The following IGF2 variants were observed in gnomAD, a reference collection of about 807,000 sequenced individuals.
IGF2 encodes the protein insulin like growth factor 2, also known as insulin-like growth factor 2.
A neutral mutation model predicts 12.0 loss-of-function variants in IGF2; 2 were observed. That is an observed-to-expected ratio of 0.17 (90% CI 0.07 to 0.52). IGF2 has a LOEUF of 0.52. Ranked by LOEUF, IGF2 falls within the 20% of genes least tolerant of loss-of-function variation. The probability of loss-of-function intolerance (pLI) is 0.95; values close to 1 mark genes in which losing one functional copy is unlikely to be tolerated. For missense variants in IGF2, 211 were observed against 268.0 expected, an observed-to-expected ratio of 0.79 and a Z score of 1.48; for synonymous variants, 105 against 110.1, an observed-to-expected ratio of 0.95 and a Z score of 0.29.
chr11:2,147,503 G>A, the IGF2 span: 3 of 700,844 alleles, frequency 4.3e-6, no homozygotes, highest in South Asian at 7.4e-5. This position sits in a 1 kb window ranked among gnomAD's most constrained non-coding sequence, Gnocchi z 7.2. Flanking sequence ...ATCCCAGTTC[G>A]AAGACTCCCG....
upstream of IGF2, chr11:2,141,289 G>A (rs1213443252): frequency 1.3e-5 from 2 of 152,712 alleles, no homozygotes; most frequent in African/African-American, 4.8e-5. Flanking sequence ...ACGCAAGGCA[G>A]AGTTCTTTCT....
At chr11:2,146,235 T>C (rs550492454), upstream of IGF2, 1 of 530,542 alleles carries the variant, frequency 1.9e-6, no homozygotes, top group South Asian at 1.4e-5. Flanking sequence ...CATTCCCATT[T>C]CCTCCCCAGC....
rs369452652 is a variant in IGF2, at chr11:2,133,114, C to A, written c.416G>T (p.Gly139Val). 7.5e-6 allele frequency: 12 copies of A among 1,606,840 alleles called. No homozygotes were observed. Among genetic ancestry groups the A allele is most frequent in the African/African-American group, 1.3e-5 (1 of 74,700 alleles). The change falls in exon 4 of 4, where the codon GGT becomes GTT. Residue 139 changes from glycine to valine, a missense_variant. This residue lies in a region of IGF2 where 141 missense variants were observed against 153.1 expected (regional missense o/e 0.92). Coordinates refer to ENST00000416167, the MANE Select transcript of IGF2 (RefSeq NM_000612.6). This position sits in a 1 kb window ranked among gnomAD's most constrained non-coding sequence, Gnocchi z 8.9. ...GLPALLRARR[G>V]HVLAKELEAF... The stretch of plus-strand genomic sequence containing the variant: ...CTCGAGCTCCTTGGCGAGCACGTGA[C>A]CCCGGCGGGCACGCAGGAGGGCAGG...
At position 2,131,900 on chromosome 11, in the gene IGF2, CGTTTGTGTGTGTGCTG is replaced by C. The variant is rs1858616400; in HGVS notation, c.*1071_*1086del. 1 of 78,510 alleles carries C rather than the reference CGTTTGTGTGTGTGCTG, an allele frequency of 1.3e-5. No individual in the cohort carries two copies. Among genetic ancestry groups the C allele is most frequent in the African/African-American group, 6.9e-5 (1 of 14,476 alleles). The allele number at this position is 78,510 out of a possible 1,614,324, so 4.9% of individuals were successfully genotyped here. A position where few individuals can be genotyped will look rare whatever the true frequency, so the allele number is the denominator to read the frequency against. On this transcript the variant is annotated 3_prime_UTR_variant, in exon 4 of 4. Transcript: ENST00000416167. ...GTGCTGTGCGTTTGTGTGTGCTGTGCGTTTGTGTGTGTGCTGTGTGTGCATGTGTGTGCGTGTGTGT... is the reference window on the plus strand; with the variant it reads ...GTGCTGTGCGTTTGTGTGTGCTGTGCTGTGTGCATGTGTGTGCGTGTGTGT...
chr11:2,135,642 CA>C, intron 1 of IGF2, 113 bp from the exon 2 acceptor site: 2 of 849,932 alleles, frequency 2.4e-6, no homozygotes, highest in Non-Finnish European at 3.7e-6. Flanking sequence ...AAATTGAAAG[CA>C]CGGCTTTCCT....
upstream of IGF2, among the ~76,000 whole-genome samples, chr11:2,144,681 C>T (rs1859807295): frequency 6.6e-6 from 1 of 151,926 alleles, no homozygotes; most frequent in Admixed American, 6.6e-5. Flanking sequence ...TGCAGGCGCC[C>T]AACGGCCCTG....
Position 2,130,457 on chromosome 11 carries a change from G to C in IGF2, c.*2530C>G. 1 of 227,384 alleles carries C rather than the reference G, an allele frequency of 4.4e-6. No homozygotes were observed. The highest frequency in any genetic ancestry group is 2.2e-5 in the African/African-American group (1 of 44,838). The allele number at this position is 227,384 out of a possible 1,614,324, so 14.1% of individuals were successfully genotyped here. On this transcript the variant is annotated 3_prime_UTR_variant, in exon 4 of 4. Coordinates refer to ENST00000416167, the MANE Select transcript of IGF2 (RefSeq NM_000612.6). ...AAATCCAATCAGGGCGATAAATGGCGGGGGGCAGGACGTGGTGGTCTCCAG... is the reference window on the plus strand; with the variant it reads ...AAATCCAATCAGGGCGATAAATGGCCGGGGGCAGGACGTGGTGGTCTCCAG...
the IGF2 span, chr11:2,149,177 A>G: frequency 6.2e-7 from 1 of 1,613,468 alleles, no homozygotes; most frequent in Admixed American, 1.7e-5. Context: ...GTGGATAAAG[A>G]GGACCGGGGA....
chr11:2,133,020 G>T lies in IGF2; in HGVS notation c.510C>A (p.Gly170=), dbSNP rs138399775. The change falls in exon 4 of 4, where the codon GGC becomes GGA. Residue 170 remains glycine, a synonymous_variant. Coordinates refer to ENST00000416167, the MANE Select transcript of IGF2 (RefSeq NM_000612.6). The surrounding 1 kb of genome is among the most constrained non-coding windows in gnomAD (Gnocchi z 8.9). ...ALPTQDPAHG[G]APPEMASNRK ...GATTGCTGGCCATCTCTGGGGGGGCGCCCCCGTGGGCGGGGTCTTGGGTGG... is the reference window on the plus strand; with the variant it reads ...GATTGCTGGCCATCTCTGGGGGGGCTCCCCCGTGGGCGGGGTCTTGGGTGG... 2 of 1,551,744 alleles carry T rather than the reference G, an allele frequency of 1.3e-6. No individual in the cohort carries two copies. Among genetic ancestry groups the T allele is most frequent in the African/African-American group, 2.8e-5 (2 of 72,434 alleles).
In IGF2 at chr11:2,131,832, C is replaced by A. The variant is rs1186221704; in HGVS notation, c.*1155G>T. The A allele has an allele frequency of 1.0e-4, 11 of 105,640 alleles. No individual in the cohort carries two copies. Among genetic ancestry groups the A allele is most frequent in the Non-Finnish European group, 1.8e-4 (10 of 55,770 alleles). The allele number at this position is 105,640 out of a possible 1,614,324, so 6.5% of individuals were successfully genotyped here. A position where few individuals can be genotyped will look rare whatever the true frequency, so the allele number is the denominator to read the frequency against. On this transcript the variant is annotated 3_prime_UTR_variant, in exon 4 of 4. Transcript: ENST00000416167. ...TGTGCATGTGTGTGCGTGTGCTGTG[C>A]GTTTGTGTGCTGTGTGCTCGTGTGT... is the stretch of plus-strand genomic sequence containing the variant.
At position 2,138,484 on chromosome 11, in the gene IGF2, T is replaced by C. The variant is rs1301252834; in HGVS notation, c.-262A>G. 6 of 904,522 alleles carry C rather than the reference T, an allele frequency of 6.6e-6. No homozygotes were observed. The highest frequency in any genetic ancestry group is 2.2e-5 in the African/African-American group (1 of 44,988). 56.0% of individuals were successfully genotyped at this position (904,522 alleles called of 1,614,324 possible). On this transcript the variant is annotated 5_prime_UTR_variant, in exon 1 of 4. The change creates a new upstream start codon in the 5' untranslated region. Transcript: ENST00000416167. ...GTTGTACTTTTCGGGGGGGAAAAGGTATCGGGAAATGAGGTCAGCTGTTGT... is the reference window on the plus strand; with the variant it reads ...GTTGTACTTTTCGGGGGGGAAAAGGCATCGGGAAATGAGGTCAGCTGTTGT...
chr11:2,132,063 G>GTGTGTGCTGTGCTCGTT lies in IGF2; in HGVS notation c.*923_*924insAACGAGCACAGCACACA. ...GCGTTTGTGTGTGTGCTGTGCTCGTGTGTGTGCTGTGTTCATGCGTGTGCT... is the reference window on the plus strand; with the variant it reads ...GCGTTTGTGTGTGTGCTGTGCTCGTGTGTGTGCTGTGCTCGTTTGTGTGCTGTGTTCATGCGTGTGCT... On this transcript the variant is annotated 3_prime_UTR_variant, in exon 4 of 4. Transcript: ENST00000416167. The GTGTGTGCTGTGCTCGTT allele has an allele frequency of 4.7e-6, 1 of 210,772 alleles. No individual in the cohort carries two copies. Among genetic ancestry groups the GTGTGTGCTGTGCTCGTT allele is most frequent in the Admixed American group, 5.9e-5 (1 of 16,960 alleles). 13.1% of individuals were successfully genotyped at this position (210,772 alleles called of 1,614,324 possible).
chr11:2,142,111 AT>A (rs1006073650), upstream of IGF2, among the ~76,000 whole-genome samples: 15 of 151,936 alleles, frequency 9.9e-5, no homozygotes, highest in African/African-American at 3.6e-4. This position sits in a 1 kb window ranked among gnomAD's most constrained non-coding sequence, Gnocchi z 5.7. Flanking sequence ...ACCCAGGGAC[AT>A]TTTTTAGTGT....
chr11:2,135,170 T>G (rs1231011291), intron 2 of IGF2, among the ~76,000 whole-genome samples, 197 bp downstream of exon 2: 1 of 152,020 alleles, frequency 6.6e-6, no homozygotes, highest in Non-Finnish European at 1.5e-5. Context: ...GAAGGAGGCG[T>G]GTGATGGGAA....
intron 2 of IGF2, among the ~76,000 whole-genome samples, chr11:2,134,628 G>A (rs1858861332): frequency 6.6e-6 from 1 of 152,180 alleles, no homozygotes; most frequent in South Asian, 2.1e-4. Context: ...AAGCCGTGCG[G>A]CCTCTGCCAG....
chr11:2,138,544 G>A lies in IGF2; in HGVS notation c.-322C>T. ...AGAGGGGGGCAGAGATAGTGGGAGA[G>A]ACAGAGTGAACGTGAAAGGGGGGGG... On this transcript the variant is annotated 5_prime_UTR_variant, in exon 1 of 4. Coordinates refer to ENST00000416167, the MANE Select transcript of IGF2 (RefSeq NM_000612.6). 5 of 537,042 alleles carry A rather than the reference G, an allele frequency of 9.3e-6. No individual in the cohort carries two copies. The highest frequency in any genetic ancestry group is 1.1e-5 in the Non-Finnish European group (5 of 440,048). The allele number at this position is 537,042 out of a possible 1,614,324, so 33.3% of individuals were successfully genotyped here.
rs1270248353 is a variant in IGF2, at chr11:2,138,864, G to T, written c.-642C>A. The T allele has an allele frequency of 3.1e-6, 3 of 978,116 alleles. No homozygotes were observed. Among genetic ancestry groups the T allele is most frequent in the African/African-American group, 1.8e-5 (1 of 56,838 alleles). 60.6% of individuals were successfully genotyped at this position (978,116 alleles called of 1,614,324 possible). On this transcript the variant is annotated 5_prime_UTR_variant, in exon 1 of 4. Coordinates refer to ENST00000416167, the MANE Select transcript of IGF2 (RefSeq NM_000612.6). ...CCACGTCGAGGGGCCGGGGGAGGCG[G>T]TGACTGGGGGGCGGAGTGGAGGCTG...
chr11:2,149,487 A>G, the IGF2 span: 3 of 736,784 alleles, frequency 4.1e-6, no homozygotes, highest in Non-Finnish European at 6.6e-6. Context: ...CATCCCCTCC[A>G]CTCGTTTCCC....
chr11:2,137,215 G>GCA (rs1397573155), intron 1 of IGF2: 6 of 994,724 alleles, frequency 6.0e-6, no homozygotes, highest in Non-Finnish European at 7.2e-6. Context: ...GCTCGCTGGG[G>GCA]CAGGAGGAGG....
Sources: gnomAD v4.1 joint callset for allele counts (sites outside exome capture counted in the v4.1 genomes callset) on GRCh38, gnomAD v4.1.1 for gene constraint, gnomAD v4.1.1 regional missense constraint, Gnocchi (gnomAD v3.1) non-coding constraint, MANE v1.5 for transcripts, NCBI Gene and HGNC (gene_info 2026-07-23, HGNC 2026-07-21) for gene names.